Variants in THSD7B observed in about 807,000 individuals in gnomAD.
THSD7B encodes thrombospondin type 1 domain containing 7B.
Under a neutral mutation model 213.6 loss-of-function variants are expected in THSD7B, and 138 were observed. That is an observed-to-expected ratio of 0.65 (90% CI 0.56 to 0.74). THSD7B has a LOEUF of 0.74. THSD7B is among the 30% of genes least tolerant of loss of function. The pLI is 0.00. For missense variants in THSD7B, 1,931 were observed against 1,991.5 expected (o/e 0.97, Z 0.58); for synonymous variants, 742 against 687.0 (o/e 1.08, Z -1.25).
chr2:136,868,039 C>A (rs1683371211), intron 1 of THSD7B, among the ~76,000 whole-genome samples: 1 of 151,960 alleles, frequency 6.6e-6, no homozygotes, highest in Non-Finnish European at 1.5e-5. Context: ...ATGAAATATA[C>A]TTCAAGACAA....
chr2:137,009,531 G>A (rs909185572), intron 2 of THSD7B, among the ~76,000 whole-genome samples: 1 of 152,106 alleles, frequency 6.6e-6, no homozygotes, highest in African/African-American at 2.4e-5. Flanking sequence ...AAGAAATAGA[G>A]GTTTAATGGA....
chr2:136,970,325 C>G (rs1021980624), intron 2 of THSD7B, among the ~76,000 whole-genome samples: 1 of 151,672 alleles, frequency 6.6e-6, no homozygotes, highest in Admixed American at 6.6e-5. Flanking sequence ...TTAGCCAGGC[C>G]TGGTGGCACG....
At chr2:136,818,045 G>A (rs1246039941) in intron 1 of THSD7B, among the ~76,000 whole-genome samples, 1 of 146,122 alleles carries the variant, frequency 6.8e-6, no homozygotes, top group Non-Finnish European at 1.5e-5. Flanking sequence ...TCCCATTACT[G>A]GGTATATACC....
intron 1 of THSD7B, among the ~76,000 whole-genome samples, chr2:136,802,651 A>C (rs1682208558): frequency 1.2e-5 from 1 of 83,354 alleles, no homozygotes; most frequent in African/African-American, 6.0e-5. Flanking sequence ...ATATATATAT[A>C]TATATATATA....
chr2:137,463,885 A>G (rs1300993568), intron 15 of THSD7B, among the ~76,000 whole-genome samples: 1 of 152,110 alleles, frequency 6.6e-6, no homozygotes, highest in Non-Finnish European at 1.5e-5. Flanking sequence ...TCTGTAAGAC[A>G]CAAAGGCAGC....
chr2:137,367,032 T>G (rs1558772293), intron 12 of THSD7B, among the ~76,000 whole-genome samples: 3 of 152,172 alleles, frequency 2.0e-5, no homozygotes, highest in Non-Finnish European at 4.4e-5. Context: ...CGTTTCAGAC[T>G]TCATTCACCT....
chr2:136,792,355 TG>T (rs1328181350), intron 1 of THSD7B, among the ~76,000 whole-genome samples: 1 of 151,952 alleles, frequency 6.6e-6, no homozygotes, highest in Non-Finnish European at 1.5e-5. Context: ...CCAGGAGTTC[TG>T]GGGGAGGGAG....
intron 27 of THSD7B, among the ~76,000 whole-genome samples, chr2:137,670,786 T>A (rs34537768): frequency 0.022 from 3,373 of 152,004 alleles, 38 homozygotes; most frequent in Middle Eastern, 0.048. Flanking sequence ...CCAGGTGTGG[T>A]GGCGGGCGCC....
At chr2:137,530,269 A>G (rs985692392) in intron 15 of THSD7B, among the ~76,000 whole-genome samples, 32 of 152,032 alleles carry the variant, frequency 2.1e-4, no homozygotes, top group Admixed American at 5.9e-4. Context: ...TATATGAAAC[A>G]TATGTTTCTT....
intron 12 of THSD7B, among the ~76,000 whole-genome samples, chr2:137,291,851 A>G (rs2104834039): frequency 6.6e-6 from 1 of 152,302 alleles, no homozygotes; most frequent in Non-Finnish European, 1.5e-5. Context: ...CTATGAATTT[A>G]CATGAGACTG....
At chr2:137,258,743 T>G (rs1682366671) in intron 10 of THSD7B, among the ~76,000 whole-genome samples, 1 of 151,626 alleles carries the variant, frequency 6.6e-6, no homozygotes, top group Admixed American at 6.6e-5. Flanking sequence ...GGTATACATA[T>G]GCCATGGTGA....
At chr2:137,201,864 G>C (rs1680881755) in intron 7 of THSD7B, among the ~76,000 whole-genome samples, 1 of 152,124 alleles carries the variant, frequency 6.6e-6, no homozygotes. Flanking sequence ...ATTTCCTAAT[G>C]ACTAAATAGA....
chr2:137,209,908 A>G (rs1170662513), intron 7 of THSD7B, among the ~76,000 whole-genome samples: 1 of 151,756 alleles, frequency 6.6e-6, no homozygotes, highest in East Asian at 1.9e-4. Context: ...TTAGGCTGTT[A>G]AGGTGAACCC....
intron 2 of THSD7B, among the ~76,000 whole-genome samples, chr2:136,887,006 C>T (rs1277705487): frequency 6.6e-6 from 1 of 152,132 alleles, no homozygotes; most frequent in Non-Finnish European, 1.5e-5. Context: ...AATTTGTGAT[C>T]TGGCATAGGT....
intron 17 of THSD7B, among the ~76,000 whole-genome samples, chr2:137,614,551 A>G (rs1249799124): frequency 1.3e-5 from 2 of 152,140 alleles, no homozygotes; most frequent in Admixed American, 1.3e-4. Context: ...TTGACAAATC[A>G]TTTGTTATTA....
At chr2:137,427,460 G>A (rs557762554) in intron 14 of THSD7B, among the ~76,000 whole-genome samples, 40 of 151,960 alleles carry the variant, frequency 2.6e-4, no homozygotes, top group African/African-American at 9.4e-4. Context: ...TGGGGTATGT[G>A]CTTGTGTGTC....
intron 20 of THSD7B, among the ~76,000 whole-genome samples, chr2:137,638,391 C>G (rs536312230): frequency 1.3e-5 from 2 of 152,106 alleles, no homozygotes; most frequent in Non-Finnish European, 2.9e-5. Flanking sequence ...CTTGTTACCT[C>G]CATGTAAGAA....
chr2:136,895,912 G>A (rs1558842646), intron 2 of THSD7B, among the ~76,000 whole-genome samples: 1 of 152,042 alleles, frequency 6.6e-6, no homozygotes, highest in Non-Finnish European at 1.5e-5. Context: ...ATGTTTTGTG[G>A]TTGCTCTATA....
At chr2:137,419,711 G>C (rs866066415) in intron 14 of THSD7B, among the ~76,000 whole-genome samples, 2 of 151,994 alleles carry the variant, frequency 1.3e-5, no homozygotes, top group Middle Eastern at 3.4e-3. Flanking sequence ...GGAAAGCACA[G>C]CACACAGTCA....
Sources: gnomAD v4.1 joint callset for allele counts (sites outside exome capture counted in the v4.1 genomes callset) on GRCh38, gnomAD v4.1.1 for gene constraint, MANE v1.5 for transcripts, NCBI Gene and HGNC (gene_info 2026-07-23, HGNC 2026-07-21) for gene names.